Variants in DNAH8 observed in about 807,000 individuals in gnomAD.
The protein encoded by DNAH8 is axonemal beta dynein heavy chain 8.
In DNAH8, 382 loss-of-function variants were observed where a neutral mutation model predicts 562.1. The observed-to-expected ratio is 0.68, with a 90% CI of 0.63 to 0.74. The LOEUF is 0.74. Among genes scored for constraint, DNAH8 ranks in the 30% least tolerant of loss-of-function variants. The pLI is 0.00. For synonymous variants in DNAH8, 1,881 were observed against 1,919.4 expected, an observed-to-expected ratio of 0.98 and a Z score of 0.52; for missense variants, 5,203 against 5,620.4, an observed-to-expected ratio of 0.93 and a Z score of 2.37.
chr6:38,970,125 C>T (rs769158471), intron 82 of DNAH8, among the ~76,000 whole-genome samples: 15 of 152,160 alleles, frequency 9.9e-5, no homozygotes, highest in Non-Finnish European at 1.8e-4. Context: ...GAAAACTAGA[C>T]CTTCCTTGTA....
chr6:38,926,895 G>A (rs1782167172), intron 74 of DNAH8, among the ~76,000 whole-genome samples: 1 of 152,084 alleles, frequency 6.6e-6, no homozygotes, highest in South Asian at 2.1e-4. Flanking sequence ...AGACTTTTCT[G>A]TGTCCCCAGC....
chr6:38,757,154 C>T (rs931646969), intron 10 of DNAH8, among the ~76,000 whole-genome samples: 1 of 151,642 alleles, frequency 6.6e-6, no homozygotes, highest in Non-Finnish European at 1.5e-5. Flanking sequence ...AAAAGTGTTC[C>T]TATTTCTCCA....
chr6:38,876,131 G>A (rs993634843), intron 53 of DNAH8, among the ~76,000 whole-genome samples: 11 of 152,160 alleles, frequency 7.2e-5, no homozygotes, highest in Admixed American at 1.3e-4. Context: ...AGGTAGCAGC[G>A]TGGAGAACAC....
chr6:38,931,892 A>T lies in DNAH8; in HGVS notation c.11356A>T (p.Thr3786Ser). 6.2e-7 allele frequency: 1 copy of T among 1,611,852 alleles called. No homozygotes were observed. ...ITTKLPNPAF[T>S]PEINAKTSVI... ...TACGAAGTTACCAAATCCTGCCTTT[A>T]CCCCAGAGATTAATGCTAAAACGTC... is the stretch of plus-strand genomic sequence containing the variant. Residue 3786 changes from threonine (T) to serine (S), a missense_variant, in exon 76 of 93, where the codon ACC becomes TCC. Transcript: ENST00000327475.
chr6:39,003,540 A>G (rs1041481865), intron 88 of DNAH8, among the ~76,000 whole-genome samples: 3 of 152,232 alleles, frequency 2.0e-5, no homozygotes, highest in African/African-American at 4.8e-5. Context: ...TCATACAAAA[A>G]TCCTACTGCA....
intron 62 of DNAH8, among the ~76,000 whole-genome samples, chr6:38,903,902 G>A (rs191097425): frequency 2.0e-5 from 3 of 151,840 alleles, no homozygotes; most frequent in Non-Finnish European, 4.4e-5. Flanking sequence ...GAGCCACCGC[G>A]CCCAGCCACA....
chr6:38,800,942 C>T (rs896881108), intron 21 of DNAH8, among the ~76,000 whole-genome samples: 4 of 152,158 alleles, frequency 2.6e-5, no homozygotes, highest in African/African-American at 9.6e-5. Context: ...TTTATAGATA[C>T]TAGTTCCTTA....
intron 7 of DNAH8, among the ~76,000 whole-genome samples, chr6:38,740,300 C>T (rs1253265563): frequency 6.6e-6 from 1 of 152,114 alleles, no homozygotes; most frequent in African/African-American, 2.4e-5. Context: ...AGAAAACTGC[C>T]ATCTTTGTAT....
chr6:39,021,241 G>A (rs1412469631), intron 91 of DNAH8, among the ~76,000 whole-genome samples: 1 of 152,210 alleles, frequency 6.6e-6, no homozygotes, highest in Non-Finnish European at 1.5e-5. Context: ...CCACCAGCCA[G>A]CAGCGTCTGT....
chr6:38,910,401 G>A (rs1208066274), intron 65 of DNAH8, among the ~76,000 whole-genome samples: 2 of 152,196 alleles, frequency 1.3e-5, no homozygotes, highest in Non-Finnish European at 2.9e-5. Context: ...TCTGCATAGA[G>A]AGTTTGCGTA....
intron 91 of DNAH8, among the ~76,000 whole-genome samples, chr6:39,015,012 G>A (rs1766469893): frequency 6.6e-6 from 1 of 152,126 alleles, no homozygotes; most frequent in Non-Finnish European, 1.5e-5. Flanking sequence ...AGAGAGCAAG[G>A]AGGGACAATG....
At chr6:38,732,486 G>T (rs1345934435) in intron 4 of DNAH8, among the ~76,000 whole-genome samples, 2 of 152,148 alleles carry the variant, frequency 1.3e-5, no homozygotes, top group Non-Finnish European at 2.9e-5. Context: ...CATGTATCAG[G>T]GTTCTTTGGC....
At chr6:38,796,966 C>T (rs150451205) in intron 21 of DNAH8, among the ~76,000 whole-genome samples, 12 of 152,282 alleles carry the variant, frequency 7.9e-5, no homozygotes, top group African/African-American at 2.4e-4. Flanking sequence ...GTGTGTCTTC[C>T]GTTTTCCTGA....
chr6:38,985,049 T>A (rs1052513997), intron 87 of DNAH8, among the ~76,000 whole-genome samples: 1 of 152,182 alleles, frequency 6.6e-6, no homozygotes, highest in East Asian at 1.9e-4. Flanking sequence ...AAATAAGTGA[T>A]TGGGGGATTA....
intron 13 of DNAH8, 56 bp from the exon 14 acceptor site, chr6:38,778,332 A>G: frequency 4.1e-6 from 4 of 987,270 alleles, no homozygotes; most frequent in Non-Finnish European, 6.2e-6. Flanking sequence ...CTGTTGTTAA[A>G]CAAAACCAAT....
Position 38,737,801 on chromosome 6 carries a change from C to CT in DNAH8, c.953-3dup. ...ATTAGTATTAAATGTCTTTTTTTTCCTTTTTAGGTGCTAGAATAAGTATTG... is the reference window on the plus strand; with the variant it reads ...ATTAGTATTAAATGTCTTTTTTTTCCTTTTTTAGGTGCTAGAATAAGTATTG... On this transcript the variant is annotated splice_region_variant and splice_polypyrimidine_tract_variant and intron_variant, in intron 6 of 92. Coordinates refer to ENST00000327475, the MANE Select transcript of DNAH8 (RefSeq NM_001206927.2). 7.1e-7 allele frequency: 1 copy of CT among 1,407,690 alleles called. No individual in the cohort carries two copies. Among genetic ancestry groups the CT allele is most frequent in the East Asian group, 2.7e-5 (1 of 36,462 alleles). The allele number at this position is 1,407,690 out of a possible 1,614,324, so 87.2% of individuals were successfully genotyped here.
At chr6:38,882,099 A>G (rs9380802) in intron 53 of DNAH8, among the ~76,000 whole-genome samples, 43,151 of 152,086 alleles carry the variant, frequency 0.28, 7,248 homozygotes, top group East Asian at 0.81. Flanking sequence ...AAATGCTTCT[A>G]CACTGCTAGT....
At chr6:38,942,121 C>T (rs1561894174) in intron 79 of DNAH8, among the ~76,000 whole-genome samples, 2 of 152,162 alleles carry the variant, frequency 1.3e-5, no homozygotes, top group South Asian at 2.1e-4. Flanking sequence ...ATCTTGGACT[C>T]CCCAGCCTCC....
chr6:38,966,033 T>C (rs1241030240), intron 82 of DNAH8, among the ~76,000 whole-genome samples: 1 of 151,718 alleles, frequency 6.6e-6, no homozygotes, highest in Non-Finnish European at 1.5e-5. Context: ...AGCCAGATAA[T>C]AGAAAAACAA....
Sources: allele counts gnomAD v4.1 joint callset (sites outside exome capture counted in the v4.1 genomes callset), GRCh38; gene constraint gnomAD v4.1.1; transcripts MANE v1.5; gene names NCBI Gene and HGNC (gene_info 2026-07-23, HGNC 2026-07-21).